The following EVI5 variants were observed in gnomAD, a reference collection of about 807,000 sequenced individuals.
The protein encoded by EVI5 is ecotropic viral integration site 5 protein homolog.
EVI5 carries 73 observed loss-of-function variants against 112.0 expected under a neutral mutation model. The observed-to-expected ratio is 0.65, with a 90% CI of 0.54 to 0.79. The LOEUF is 0.79. Ranked by LOEUF, EVI5 falls within the 30% of genes least tolerant of loss-of-function variation. EVI5 has a pLI of 0.00. For synonymous variants in EVI5, 305 were observed against 319.9 expected (o/e 0.95, Z 0.50); for missense variants, 900 against 968.8 (o/e 0.93, Z 0.94).
intron 9 of EVI5, among the ~76,000 whole-genome samples, chr1:92,680,593 T>A (rs1277130970): frequency 6.6e-6 from 1 of 152,026 alleles, no homozygotes; most frequent in Non-Finnish European, 1.5e-5. Flanking sequence ...AAGAAAGAGG[T>A]TACTACATAA....
intron 10 of EVI5, among the ~76,000 whole-genome samples, chr1:92,676,604 G>T (rs898832700): frequency 6.6e-6 from 1 of 151,986 alleles, no homozygotes; most frequent in Non-Finnish European, 1.5e-5. Flanking sequence ...TATGGAGGGG[G>T]GTACAAATTT....
At chr1:92,759,848 T>C (rs1348483393) in intron 1 of EVI5, among the ~76,000 whole-genome samples, 2 of 140,570 alleles carry the variant, frequency 1.4e-5, no homozygotes, top group Non-Finnish European at 3.0e-5. Context: ...TTCATACATA[T>C]ACAAATACCC....
At chr1:92,521,798 T>C (rs780629263) in intron 19 of EVI5, among the ~76,000 whole-genome samples, 1 of 152,146 alleles carries the variant, frequency 6.6e-6, no homozygotes, top group Non-Finnish European at 1.5e-5. Flanking sequence ...TTTTAAAAGC[T>C]TAACAGCATA....
intron 14 of EVI5, among the ~76,000 whole-genome samples, chr1:92,628,302 T>C (rs1055518007): frequency 6.6e-6 from 1 of 152,252 alleles, no homozygotes; most frequent in Non-Finnish European, 1.5e-5. Context: ...TGACTGTTCC[T>C]TTCTCCGTGC....
intron 18 of EVI5, among the ~76,000 whole-genome samples, chr1:92,603,071 A>T (rs1649531536): frequency 6.6e-6 from 1 of 152,202 alleles, no homozygotes; most frequent in African/African-American, 2.4e-5. Flanking sequence ...AAGATATATA[A>T]ATGCGAAATA....
rs548811367 is a variant in EVI5, at chr1:92,571,909, A to G, written c.2071-8172T>C. On this transcript the variant is annotated intron_variant, in intron 18 of 19. Transcript: ENST00000684568. ...AATTAGGTAAGTAACAAACTTAAAG[A>G]AAAAGACGCCCAACATATCAACAAC... is the stretch of plus-strand genomic sequence containing the variant. 5.5e-4 allele frequency among the ~76,000 whole-genome samples: 84 copies of G among 152,306 alleles called. 1 individual carries two copies. The highest frequency in any genetic ancestry group is 9.3e-4 in the Non-Finnish European group (63 of 67,998).
chr1:92,713,210 A>G (rs1042379699), intron 2 of EVI5, among the ~76,000 whole-genome samples: 1 of 151,950 alleles, frequency 6.6e-6, no homozygotes, highest in Non-Finnish European at 1.5e-5. Context: ...AATCTAGTAC[A>G]TATTTTACTC....
chr1:92,653,646 T>C lies in EVI5; in HGVS notation c.1392+9073A>G, dbSNP rs530748284. The stretch of plus-strand genomic sequence containing the variant: ...CTGGGGCAGACAGGGGTGACTGTGG[T>C]CTTACTGGCAATCAGTCCACCATAT... On this transcript the variant is annotated intron_variant, in intron 13 of 19. Coordinates refer to ENST00000684568, the MANE Select transcript of EVI5 (RefSeq NM_001350197.2). Among the ~76,000 whole-genome samples the C allele has an allele frequency of 3.3e-5, 5 of 152,210 alleles. No homozygotes were observed. In the South Asian group the frequency reaches 1.0e-3, roughly 32 times the overall value.
At chr1:92,672,982 G>A (rs1419565802) in intron 10 of EVI5, among the ~76,000 whole-genome samples, 1 of 152,126 alleles carries the variant, frequency 6.6e-6, no homozygotes, top group Non-Finnish European at 1.5e-5. Flanking sequence ...GTGACCACTG[G>A]CATAATATTT....
At chr1:92,722,516 C>T (rs1341051240) in intron 2 of EVI5, among the ~76,000 whole-genome samples, 1 of 144,094 alleles carries the variant, frequency 6.9e-6, no homozygotes, top group East Asian at 2.2e-4. Context: ...CTTCCTGTGT[C>T]CATGTGTTCT....
chr1:92,623,485 C>A (rs1231670266), intron 16 of EVI5, among the ~76,000 whole-genome samples: 1 of 152,134 alleles, frequency 6.6e-6, no homozygotes, highest in Non-Finnish European at 1.5e-5. Flanking sequence ...ACCAAATGTG[C>A]CTTTACCATG....
intron 9 of EVI5, among the ~76,000 whole-genome samples, chr1:92,688,490 C>G (rs780655610): frequency 6.6e-6 from 1 of 152,096 alleles, no homozygotes; most frequent in Non-Finnish European, 1.5e-5. Context: ...TTGTTTGGAG[C>G]CACAGAGATT....
chr1:92,784,475 C>A lies in EVI5; in HGVS notation c.-82+361G>T, dbSNP rs983083950. ...CGCCCCTCAGGTCCCCAAAGGGAAC[C>A]GACTTCTGGCCTCGAGGGTGGGGTG... On this transcript the variant is annotated intron_variant, in intron 1 of 19. Transcript: ENST00000684568. 4 of 980,676 alleles carry A rather than the reference C, an allele frequency of 4.1e-6. No individual in the cohort carries two copies. The Admixed American group carries it at 1.8e-4, about 45-fold the overall frequency. The allele number at this position is 980,676 out of a possible 1,614,324, so 60.7% of individuals were successfully genotyped here. A position where few individuals can be genotyped will look rare whatever the true frequency, so the allele number is the denominator to read the frequency against.
At chr1:92,779,517 C>CA (rs200753556) in intron 1 of EVI5, among the ~76,000 whole-genome samples, 10,471 of 118,478 alleles carry the variant, frequency 0.088, 466 homozygotes, top group Middle Eastern at 0.13. Context: ...GACTCCGTCT[C>CA]AAAAAAAAAA....
At chr1:92,732,432 C>G (rs1382782411) in intron 2 of EVI5, 1 of 235,138 alleles carries the variant, frequency 4.3e-6, no homozygotes, top group African/African-American at 2.3e-5. Context: ...AAAGGAATTG[C>G]ATTGAAATTG....
intron 19 of EVI5, among the ~76,000 whole-genome samples, chr1:92,526,404 T>C (rs1661891721): frequency 6.6e-6 from 1 of 152,164 alleles, no homozygotes; most frequent in South Asian, 2.1e-4. Flanking sequence ...GTGTCACATC[T>C]GAAAAGCCTA....
chr1:92,579,680 C>G (rs370182603), intron 18 of EVI5, among the ~76,000 whole-genome samples: 3 of 151,968 alleles, frequency 2.0e-5, no homozygotes, highest in African/African-American at 7.3e-5. Flanking sequence ...ATAGAAAGAT[C>G]TAAATGTTTG....
chr1:92,595,722 A>C lies in EVI5; in HGVS notation c.2070+9585T>G, dbSNP rs374337620. On this transcript the variant is annotated intron_variant, in intron 18 of 19. Coordinates refer to ENST00000684568, the MANE Select transcript of EVI5 (RefSeq NM_001350197.2). Reference sequence around the variant, plus strand: ...TATATGTCGGGGTAACTGGGAAATAAAGCTAGAAAAGTAGGCAACAATTCG... The same window carrying C: ...TATATGTCGGGGTAACTGGGAAATACAGCTAGAAAAGTAGGCAACAATTCG... 7.2e-4 allele frequency among the ~76,000 whole-genome samples: 109 copies of C among 152,294 alleles called. 1 individual carries two copies. The highest frequency in any genetic ancestry group is 4.1e-3 in the South Asian group (20 of 4,830).
chr1:92,568,697 C>T (rs148672234), intron 18 of EVI5, among the ~76,000 whole-genome samples: 1 of 152,146 alleles, frequency 6.6e-6, no homozygotes, highest in Non-Finnish European at 1.5e-5. Flanking sequence ...AGCAAGACAA[C>T]CCCTTCTCTT....
Sources: gnomAD v4.1 joint callset for allele counts (sites outside exome capture counted in the v4.1 genomes callset) on GRCh38, gnomAD v4.1.1 for gene constraint, MANE v1.5 for transcripts, NCBI Gene and HGNC (gene_info 2026-07-23, HGNC 2026-07-21) for gene names.